RIT2: variants seen among roughly 807,000 people sequenced by gnomAD.
RIT2 encodes the protein GTP-binding protein Rit2.
A neutral mutation model predicts 23.7 loss-of-function variants in RIT2; 24 were observed. That is an observed-to-expected ratio of 1.01 (90% CI 0.73 to 1.43). The LOEUF (loss-of-function observed/expected upper bound fraction) is 1.43, where lower values mean the gene tolerates loss of function less well. RIT2 is among the 40% of genes most tolerant of loss of function. RIT2 has a pLI of 0.00. For synonymous variants in RIT2, 107 were observed against 91.1 expected, an observed-to-expected ratio of 1.17 and a Z score of -0.99; for missense variants, 236 against 266.9, an observed-to-expected ratio of 0.88 and a Z score of 0.81.
intron 4 of RIT2, among the ~76,000 whole-genome samples, chr18:42,917,376 A>G (rs1908937971): frequency 1.3e-5 from 2 of 152,136 alleles, no homozygotes; most frequent in Admixed American, 1.3e-4. Context: ...GACCTCAGGT[A>G]TCACTGAGGA....
At chr18:42,799,004 G>A (rs1905452964) in intron 4 of RIT2, among the ~76,000 whole-genome samples, 1 of 152,164 alleles carries the variant, frequency 6.6e-6, no homozygotes, top group South Asian at 2.1e-4. Flanking sequence ...GTTTATTTTA[G>A]TTTTAGTGTT....
At chr18:42,811,196 T>C (rs1288726680) in intron 4 of RIT2, among the ~76,000 whole-genome samples, 5 of 152,084 alleles carry the variant, frequency 3.3e-5, no homozygotes, top group African/African-American at 1.2e-4. Flanking sequence ...AAAGAGATGA[T>C]TACCACAGAC....
intron 4 of RIT2, among the ~76,000 whole-genome samples, chr18:42,806,100 A>AATATATATAT (rs58214096): frequency 2.9e-4 from 40 of 140,020 alleles, no homozygotes; most frequent in African/African-American, 9.2e-4. Flanking sequence ...TAATAAAATT[A>AATATATATAT]ATATATATAT....
intron 4 of RIT2, among the ~76,000 whole-genome samples, chr18:42,746,711 A>G (rs642369): frequency 0.54 from 82,232 of 151,902 alleles, 25,076 homozygotes; most frequent in Middle Eastern, 0.72. Flanking sequence ...CAGAAAGAGG[A>G]AATCCTGTCT....
rs970474636 is a variant in RIT2, at chr18:43,102,732, C to A, written c.103+12685G>T. On this transcript the variant is annotated intron_variant, in intron 1 of 4. Coordinates refer to ENST00000326695, the MANE Select transcript of RIT2 (RefSeq NM_002930.4). ...GCAGTGGCATGATCTCGGCTCACTG[C>A]AACCTTCGCCTCCCGGGTTCAAGCG... Among the ~76,000 whole-genome samples, 3 of 152,012 alleles carry A rather than the reference C, an allele frequency of 2.0e-5. No homozygotes were observed. The South Asian group carries it at 6.2e-4, about 31-fold the overall frequency.
chr18:43,062,819 C>T (rs181825687), intron 1 of RIT2, among the ~76,000 whole-genome samples: 28 of 152,180 alleles, frequency 1.8e-4, no homozygotes, highest in Admixed American at 7.2e-4. Flanking sequence ...AATTCTGACA[C>T]GCAAATGGTG....
In RIT2 at chr18:42,968,546, A is replaced by G. The variant is rs557277118; in HGVS notation, c.234+5528T>C. Among the ~76,000 whole-genome samples the G allele has an allele frequency of 8.5e-5, 13 of 152,300 alleles. No individual in the cohort carries two copies. The South Asian group carries it at 2.7e-3, about 32-fold the overall frequency. ...GGGATGTGAGTATGGTTGTAAACAT[A>G]TTCTGTCTTCTCATAGTTAAAGCTG... On this transcript the variant is annotated intron_variant, in intron 3 of 4. Coordinates refer to ENST00000326695, the MANE Select transcript of RIT2 (RefSeq NM_002930.4).
At chr18:42,855,597 G>T (rs1393683284) in intron 4 of RIT2, among the ~76,000 whole-genome samples, 3 of 152,110 alleles carry the variant, frequency 2.0e-5, no homozygotes, top group African/African-American at 4.8e-5. Flanking sequence ...CCTTCTAAAA[G>T]TCACCATCCA....
chr18:42,927,447 A>G (rs1407870511), intron 3 of RIT2, among the ~76,000 whole-genome samples: 1 of 151,640 alleles, frequency 6.6e-6, no homozygotes, highest in Admixed American at 6.6e-5. Flanking sequence ...TGGGACTCAG[A>G]GATTTGAGCA....
chr18:42,969,181 A>G (rs1192261028), intron 3 of RIT2, among the ~76,000 whole-genome samples: 1 of 152,170 alleles, frequency 6.6e-6, no homozygotes, highest in Non-Finnish European at 1.5e-5. Context: ...TTCTAATAGA[A>G]GCTCTTGATT....
intron 4 of RIT2, among the ~76,000 whole-genome samples, chr18:42,746,779 A>C (rs1912927343): frequency 6.6e-6 from 1 of 151,964 alleles, no homozygotes; most frequent in Non-Finnish European, 1.5e-5. Context: ...GGACATAACA[A>C]AAACAGAATT....
intron 4 of RIT2, among the ~76,000 whole-genome samples, chr18:42,915,886 T>C (rs1225235922): frequency 6.6e-6 from 1 of 151,794 alleles, no homozygotes; most frequent in Non-Finnish European, 1.5e-5. Context: ...TATATGTGCA[T>C]ATATAGTATA....
At chr18:43,105,134 G>GTGTGTGTGTGTT (rs1913782062) in intron 1 of RIT2, among the ~76,000 whole-genome samples, 2 of 143,142 alleles carry the variant, frequency 1.4e-5, no homozygotes, top group African/African-American at 5.1e-5. Context: ...GTGTGTGTTT[G>GTGTGTGTGTGTT]TGTGTGTGTG....
At chr18:42,895,585 G>A (rs1399979675) in intron 4 of RIT2, among the ~76,000 whole-genome samples, 1 of 152,124 alleles carries the variant, frequency 6.6e-6, no homozygotes, top group Non-Finnish European at 1.5e-5. Flanking sequence ...AAGTAAAAGG[G>A]CCACTATGTA....
intron 4 of RIT2, among the ~76,000 whole-genome samples, chr18:42,772,553 C>T (rs1913576220): frequency 6.6e-6 from 1 of 152,156 alleles, no homozygotes; most frequent in Non-Finnish European, 1.5e-5. Flanking sequence ...TTGGTCTCTG[C>T]TACCAGTTCC....
At chr18:43,081,427 G>A (rs1568076439) in intron 1 of RIT2, among the ~76,000 whole-genome samples, 1 of 152,086 alleles carries the variant, frequency 6.6e-6, no homozygotes, top group African/African-American at 2.4e-5. Context: ...GTAAACTATA[G>A]AGTAAGTATT....
At chr18:43,012,059 C>T (rs1045633586) in intron 2 of RIT2, among the ~76,000 whole-genome samples, 4 of 151,678 alleles carry the variant, frequency 2.6e-5, no homozygotes, top group African/African-American at 9.7e-5. Flanking sequence ...AATTCTGTAA[C>T]CCTAGGACAG....
intron 2 of RIT2, among the ~76,000 whole-genome samples, chr18:43,023,986 T>G (rs1911653731): frequency 6.6e-6 from 1 of 152,056 alleles, no homozygotes; most frequent in Admixed American, 6.6e-5. Flanking sequence ...AGAAATTATC[T>G]GGCATGTTTC....
At chr18:42,870,493 C>T (rs899073277) in intron 4 of RIT2, among the ~76,000 whole-genome samples, 13 of 152,090 alleles carry the variant, frequency 8.5e-5, no homozygotes, top group Non-Finnish European at 1.6e-4. Flanking sequence ...GGATTACAGG[C>T]GTGAGCCACC....
Sources: allele counts gnomAD v4.1 joint callset (sites outside exome capture counted in the v4.1 genomes callset), GRCh38; gene constraint gnomAD v4.1.1; transcripts MANE v1.5; gene names NCBI Gene and HGNC (gene_info 2026-07-23, HGNC 2026-07-21).